The following KHDRBS3 variants were observed in gnomAD, a reference collection of about 807,000 sequenced individuals.
The protein encoded by KHDRBS3 is KH domain-containing, RNA-binding, signal transduction-associated protein 3.
Under a neutral mutation model 45.6 loss-of-function variants are expected in KHDRBS3, and 23 were observed. The observed-to-expected ratio is 0.50, with a 90% CI of 0.36 to 0.72. KHDRBS3 has a LOEUF of 0.72. KHDRBS3 is among the 30% of genes least tolerant of loss of function. The pLI is 0.00. For synonymous variants in KHDRBS3, 162 were observed against 156.5 expected (o/e 1.04, Z -0.26); for missense variants, 352 against 424.8 (o/e 0.83, Z 1.51).
At chr8:135,545,008 C>T (rs1195931023) in intron 3 of KHDRBS3, among the ~76,000 whole-genome samples, 2 of 151,992 alleles carry the variant, frequency 1.3e-5, no homozygotes, top group Admixed American at 1.3e-4. Context: ...CTCAAACTGT[C>T]TAAGTGTTTC....
intron 7 of KHDRBS3, among the ~76,000 whole-genome samples, chr8:135,616,517 A>C (rs1158305395): frequency 6.6e-6 from 1 of 152,230 alleles, no homozygotes; most frequent in Admixed American, 6.5e-5. Flanking sequence ...GGAATTGTAG[A>C]ATAATGGTAG....
chr8:135,636,913 G>A (rs187420068), intron 7 of KHDRBS3, among the ~76,000 whole-genome samples: 13 of 152,296 alleles, frequency 8.5e-5, no homozygotes, highest in Admixed American at 2.0e-4. Flanking sequence ...AAAACAAGAC[G>A]AGAATGAAGT....
At chr8:135,534,865 T>C (rs1284332905) in intron 2 of KHDRBS3, among the ~76,000 whole-genome samples, 2 of 152,122 alleles carry the variant, frequency 1.3e-5, no homozygotes, top group Middle Eastern at 3.2e-3. Flanking sequence ...TCAGACACCA[T>C]GCACAAGCCT....
intron 2 of KHDRBS3, among the ~76,000 whole-genome samples, chr8:135,523,592 A>C (rs568844407): frequency 4.7e-4 from 72 of 152,240 alleles, no homozygotes; most frequent in African/African-American, 1.7e-3. Context: ...TATGCATCTT[A>C]TTATTTTACT....
chr8:135,457,853 G>A lies in KHDRBS3; in HGVS notation c.-14G>A, dbSNP rs1397131446. The A allele has an allele frequency of 6.4e-6, 10 of 1,559,220 alleles. 1 individual carries two copies. The Middle Eastern group carries it at 5.1e-4, about 80-fold the overall frequency. ...CGCCTGGAGTCCACATCCCGGGCCCGGCGGCCGGCGAGCATGGAGGAGAAG... is the reference window on the plus strand; with the variant it reads ...CGCCTGGAGTCCACATCCCGGGCCCAGCGGCCGGCGAGCATGGAGGAGAAG... On this transcript the variant is annotated 5_prime_UTR_variant, in exon 1 of 9. Coordinates refer to ENST00000355849, the MANE Select transcript of KHDRBS3 (RefSeq NM_006558.3). This position sits in a 1 kb window ranked among gnomAD's most constrained non-coding sequence, Gnocchi z 4.4.
intron 5 of KHDRBS3, among the ~76,000 whole-genome samples, chr8:135,567,136 G>A (rs1193149772): frequency 1.3e-5 from 2 of 152,112 alleles, no homozygotes; most frequent in African/African-American, 4.8e-5. Context: ...TCAGGATGAT[G>A]AGGAACTGCG....
intron 1 of KHDRBS3, among the ~76,000 whole-genome samples, chr8:135,475,861 C>T (rs181942025): frequency 8.1e-4 from 124 of 152,256 alleles, no homozygotes; most frequent in Non-Finnish European, 1.4e-3. Flanking sequence ...GTGACTGATG[C>T]AGTGTCACAT....
chr8:135,499,591 G>A (rs1823630748), intron 1 of KHDRBS3, among the ~76,000 whole-genome samples: 1 of 152,062 alleles, frequency 6.6e-6, no homozygotes, highest in Non-Finnish European at 1.5e-5. Flanking sequence ...CTTAGATACG[G>A]GATATAGCCA....
chr8:135,594,366 A>G (rs550922760), intron 6 of KHDRBS3, among the ~76,000 whole-genome samples: 2 of 152,274 alleles, frequency 1.3e-5, no homozygotes, highest in South Asian at 2.1e-4. Context: ...CATAGGGGTT[A>G]AAAGCAAAGT....
intron 2 of KHDRBS3, among the ~76,000 whole-genome samples, chr8:135,524,554 T>C (rs1057451990): frequency 9.2e-5 from 14 of 152,180 alleles, no homozygotes; most frequent in Admixed American, 7.2e-4. Flanking sequence ...AAAATTTGTT[T>C]TTAAAAGGAT....
At chr8:135,574,751 A>G (rs560789399) in intron 5 of KHDRBS3, among the ~76,000 whole-genome samples, 1 of 152,312 alleles carries the variant, frequency 6.6e-6, no homozygotes, top group African/African-American at 2.4e-5. Context: ...CTAGATATAT[A>G]TACTGGAGAT....
chr8:135,560,306 A>G (rs1827108740), intron 5 of KHDRBS3, among the ~76,000 whole-genome samples: 1 of 152,154 alleles, frequency 6.6e-6, no homozygotes. Flanking sequence ...AGTAGTACAC[A>G]GAAAAGTGCA....
chr8:135,466,172 A>G (rs930390523), intron 1 of KHDRBS3, among the ~76,000 whole-genome samples: 3 of 152,048 alleles, frequency 2.0e-5, no homozygotes, highest in Non-Finnish European at 2.9e-5. Context: ...CATATTATTG[A>G]TCTCTTAAGA....
Position 135,632,906 on chromosome 8 carries a change from A to G in KHDRBS3, c.891-12153A>G, listed in dbSNP as rs78819356. ...TTGACATTTGATGGTCCCTCTGCCC[A>G]CAGTACTGTGCCCCCAGATAATATC... On this transcript the variant is annotated intron_variant, in intron 7 of 8. Transcript: ENST00000355849. Among the ~76,000 whole-genome samples, 1,509 of 152,146 alleles carry G rather than the reference A, an allele frequency of 9.9e-3. 23 individuals carry two copies. The highest frequency in any genetic ancestry group is 0.032 in the African/African-American group (1,334 of 41,496).
chr8:135,593,799 G>A (rs774033629), intron 6 of KHDRBS3, among the ~76,000 whole-genome samples: 4 of 152,114 alleles, frequency 2.6e-5, no homozygotes, highest in Admixed American at 6.6e-5. Flanking sequence ...ATGCAGAGAC[G>A]AAACACAGTT....
intron 2 of KHDRBS3, among the ~76,000 whole-genome samples, chr8:135,536,732 G>A (rs922519625): frequency 2.8e-4 from 42 of 150,608 alleles, no homozygotes; most frequent in Admixed American, 7.3e-4. Context: ...AGGCCGAGGC[G>A]GGTGGATCAT....
At chr8:135,561,429 A>G (rs960398643) in intron 5 of KHDRBS3, among the ~76,000 whole-genome samples, 9 of 152,130 alleles carry the variant, frequency 5.9e-5, no homozygotes, top group African/African-American at 2.2e-4. Flanking sequence ...AAAGTCATGC[A>G]GCTAGTGGTT....
intron 1 of KHDRBS3, among the ~76,000 whole-genome samples, chr8:135,490,469 G>T (rs528506279): frequency 3.3e-5 from 5 of 152,170 alleles, no homozygotes; most frequent in African/African-American, 1.2e-4. Flanking sequence ...TAGGTTTATA[G>T]GCTGCCTGTA....
chr8:135,639,203 G>A (rs961353148), intron 7 of KHDRBS3, among the ~76,000 whole-genome samples: 1 of 152,184 alleles, frequency 6.6e-6, no homozygotes, highest in Admixed American at 6.5e-5. Flanking sequence ...TAATGGTGGT[G>A]ATTGCGATGA....
Sources: allele counts gnomAD v4.1 joint callset (sites outside exome capture counted in the v4.1 genomes callset), GRCh38; gene constraint gnomAD v4.1.1; non-coding constraint Gnocchi (gnomAD v3.1); transcripts MANE v1.5; gene names NCBI Gene and HGNC (gene_info 2026-07-23, HGNC 2026-07-21).